The following CABCOCO1 variants were observed in gnomAD, a reference collection of about 807,000 sequenced individuals.
CABCOCO1 encodes ciliary-associated calcium-binding coiled-coil protein 1.
Under a neutral mutation model 35.7 loss-of-function variants are expected in CABCOCO1, and 28 were observed. That is an observed-to-expected ratio of 0.78 (90% CI 0.58 to 1.07). CABCOCO1 has a LOEUF of 1.07. Ranked by LOEUF, CABCOCO1 falls within the 50% of genes least tolerant of loss-of-function variation. The probability of loss-of-function intolerance (pLI) is 0.00; values close to 1 mark genes in which losing one functional copy is unlikely to be tolerated. For synonymous variants in CABCOCO1, 95 were observed against 100.1 expected (o/e 0.95, Z 0.30); for missense variants, 326 against 309.2 (o/e 1.05, Z -0.41).
chr10:61,664,332 A>G (rs1839099824), intron 1 of CABCOCO1, among the ~76,000 whole-genome samples: 1 of 152,190 alleles, frequency 6.6e-6, no homozygotes, highest in Non-Finnish European at 1.5e-5. Flanking sequence ...ACACATACAT[A>G]TGCTCACCCA....
At chr10:61,698,549 G>A (rs992185257) in intron 5 of CABCOCO1, among the ~76,000 whole-genome samples, 2 of 152,056 alleles carry the variant, frequency 1.3e-5, no homozygotes, top group Admixed American at 6.6e-5. Context: ...TTCATAACCC[G>A]AAATAATACC....
At chr10:61,682,763 C>G (rs1043773123) in intron 3 of CABCOCO1, among the ~76,000 whole-genome samples, 4 of 152,086 alleles carry the variant, frequency 2.6e-5, no homozygotes, top group African/African-American at 9.7e-5. Flanking sequence ...TAAGGACACA[C>G]AGGGTCTACA....
At chr10:61,722,597 C>G (rs1841049092) in intron 5 of CABCOCO1, among the ~76,000 whole-genome samples, 1 of 151,312 alleles carries the variant, frequency 6.6e-6, no homozygotes, top group Admixed American at 6.6e-5. Context: ...TTAACGATCA[C>G]AGTAGAAATA....
chr10:61,682,889 C>CTTTTTTGTT lies in CABCOCO1; in HGVS notation c.334+1583_334+1584insGTTTTTTTT, dbSNP rs1554821784. Among the ~76,000 whole-genome samples, 286 of 128,204 alleles carry CTTTTTTGTT rather than the reference C, an allele frequency of 2.2e-3. 1 individual carries two copies. The highest frequency in any genetic ancestry group is 7.7e-3 in the African/African-American group (276 of 35,790). 84.1% of individuals were successfully genotyped at this position (128,204 alleles called of 152,430 possible). ...CCAGGAGTTAGTTTCACATGAATTTCTTTTTTTTTTTTTTTAAGACAGATT... is the reference window on the plus strand; with the variant it reads ...CCAGGAGTTAGTTTCACATGAATTTCTTTTTTGTTTTTTTTTTTTTTTTTAAGACAGATT... On this transcript the variant is annotated intron_variant, in intron 3 of 7. Transcript: ENST00000648843.
intron 5 of CABCOCO1, among the ~76,000 whole-genome samples, chr10:61,744,011 GT>G (rs1301001537): frequency 6.6e-6 from 1 of 152,114 alleles, no homozygotes; most frequent in African/African-American, 2.4e-5. Flanking sequence ...CTCCTCAAAA[GT>G]CAGAGCCTTT....
intron 5 of CABCOCO1, among the ~76,000 whole-genome samples, chr10:61,708,709 C>T (rs796505098): frequency 3.3e-5 from 5 of 152,052 alleles, no homozygotes; most frequent in East Asian, 1.9e-4. Context: ...TCATACCATA[C>T]GTTGGGGACT....
In CABCOCO1 at chr10:61,760,883, C is replaced by T; in HGVS notation, c.696C>T (p.Gly232=). ...TEMKRLDQEQ[G]PEESQPETDT... ...TCTAGAGGTTGGATCAAGAACAAGG[C>T]CCTGAGGAGTCTCAGCCAGAAACTG... The change falls in exon 7 of 8, where the codon GGC becomes GGT. Residue 232 remains glycine (G), a synonymous_variant. Transcript: ENST00000648843. The T allele has an allele frequency of 6.2e-7, 1 of 1,612,490 alleles. No individual in the cohort carries two copies. The highest frequency in any genetic ancestry group is 8.5e-7 in the Non-Finnish European group (1 of 1,179,056).
At chr10:61,701,703 G>A (rs1840463553) in intron 5 of CABCOCO1, 1 of 984,600 alleles carries the variant, frequency 1.0e-6, no homozygotes, top group Non-Finnish European at 1.2e-6. Flanking sequence ...GTCCAGATAT[G>A]CATGCCTAAA....
chr10:61,684,390 AC>A (rs1309202967), intron 3 of CABCOCO1, among the ~76,000 whole-genome samples: 1 of 152,142 alleles, frequency 6.6e-6, no homozygotes, highest in African/African-American at 2.4e-5. Context: ...CTTTACTTTC[AC>A]CTTATTAGTA....
At chr10:61,683,308 C>T (rs1456964507) in intron 3 of CABCOCO1, among the ~76,000 whole-genome samples, 2 of 151,812 alleles carry the variant, frequency 1.3e-5, no homozygotes, top group Non-Finnish European at 2.9e-5. Flanking sequence ...ACCTGTAATC[C>T]CAGCACTTTA....
chr10:61,731,944 G>T (rs1007693673), intron 5 of CABCOCO1, among the ~76,000 whole-genome samples: 1 of 151,990 alleles, frequency 6.6e-6, no homozygotes, highest in African/African-American at 2.4e-5. Flanking sequence ...CAATTTACCT[G>T]TTCTAAAATT....
intron 5 of CABCOCO1, among the ~76,000 whole-genome samples, chr10:61,692,529 G>T (rs1840177393): frequency 6.6e-6 from 1 of 152,094 alleles, no homozygotes; most frequent in Non-Finnish European, 1.5e-5. Context: ...TGAGTAACAG[G>T]ATATTCACAT....
intron 5 of CABCOCO1, among the ~76,000 whole-genome samples, chr10:61,750,714 G>C (rs898546215): frequency 2.6e-5 from 4 of 152,206 alleles, no homozygotes; most frequent in African/African-American, 9.6e-5. Flanking sequence ...ACAATACAAT[G>C]ACTAGGTTTG....
intron 2 of CABCOCO1, among the ~76,000 whole-genome samples, chr10:61,677,068 A>AAATAATAATAATAATAATAATAAT (rs60978110): frequency 6.9e-6 from 1 of 144,290 alleles, no homozygotes. Flanking sequence ...CTGTCTCAAA[A>AAATAATAATAATAATAATAATAAT]AATAATAATA....
At chr10:61,754,474 T>C (rs2132084819) in intron 5 of CABCOCO1, among the ~76,000 whole-genome samples, 1 of 152,248 alleles carries the variant, frequency 6.6e-6, no homozygotes, top group South Asian at 2.1e-4. Context: ...AAAATAGGAA[T>C]ACTCAGATTT....
At chr10:61,726,741 G>C (rs1296213855) in intron 5 of CABCOCO1, among the ~76,000 whole-genome samples, 1 of 151,748 alleles carries the variant, frequency 6.6e-6, no homozygotes, top group Non-Finnish European at 1.5e-5. Flanking sequence ...TACTCCTACA[G>C]CCTTCATTTA....
intron 5 of CABCOCO1, among the ~76,000 whole-genome samples, chr10:61,725,705 A>G (rs1282757011): frequency 6.6e-6 from 1 of 152,134 alleles, no homozygotes; most frequent in Admixed American, 6.5e-5. Context: ...ACATGTATAC[A>G]TATGTAACAA....
At chr10:61,713,770 T>G (rs1045501238) in intron 5 of CABCOCO1, among the ~76,000 whole-genome samples, 5 of 152,218 alleles carry the variant, frequency 3.3e-5, no homozygotes, top group Admixed American at 3.3e-4. Context: ...GAGATAATCA[T>G]GTGGTTTTTG....
chr10:61,718,434 A>G (rs1477932418), intron 5 of CABCOCO1, among the ~76,000 whole-genome samples: 1 of 152,214 alleles, frequency 6.6e-6, no homozygotes, highest in Non-Finnish European at 1.5e-5. Context: ...TAAAATAGTT[A>G]TGAATTGTTT....
Sources: gnomAD v4.1 joint callset for allele counts (sites outside exome capture counted in the v4.1 genomes callset) on GRCh38, gnomAD v4.1.1 for gene constraint, MANE v1.5 for transcripts, NCBI Gene and HGNC (gene_info 2026-07-23, HGNC 2026-07-21) for gene names.